The following PLCXD3 variants were observed in gnomAD, a reference collection of about 807,000 sequenced individuals.
The protein encoded by PLCXD3 is PI-PLC X domain-containing protein 3.
PLCXD3 carries 19 observed loss-of-function variants against 25.5 expected under a neutral mutation model. The ratio of observed to expected loss-of-function variants is 0.75; its 90% confidence interval spans 0.52 to 1.09. The LOEUF (loss-of-function observed/expected upper bound fraction) is 1.09. PLCXD3 is among the 50% of genes least tolerant of loss of function. PLCXD3 has a pLI of 0.00. For synonymous variants in PLCXD3, 174 were observed against 137.6 expected, an observed-to-expected ratio of 1.26 and a Z score of -1.85; for missense variants, 411 against 388.1, an observed-to-expected ratio of 1.06 and a Z score of -0.50.
chr5:41,375,984 C>A (rs1029114158), intron 2 of PLCXD3, among the ~76,000 whole-genome samples: 5 of 152,104 alleles, frequency 3.3e-5, no homozygotes, highest in African/African-American at 1.2e-4. Flanking sequence ...TGTAAGGATG[C>A]AAGGCCTTAA....
chr5:41,389,766 A>C (rs1745751831), intron 1 of PLCXD3, among the ~76,000 whole-genome samples: 1 of 152,206 alleles, frequency 6.6e-6, no homozygotes, highest in African/African-American at 2.4e-5. Flanking sequence ...ATTTCTAAAA[A>C]TATACACATC....
chr5:41,494,321 G>A (rs1469117821), intron 1 of PLCXD3, among the ~76,000 whole-genome samples: 2 of 152,158 alleles, frequency 1.3e-5, no homozygotes, highest in Non-Finnish European at 2.9e-5. Flanking sequence ...AAAAATGAGG[G>A]CAGGAAAACT....
intron 2 of PLCXD3, among the ~76,000 whole-genome samples, chr5:41,332,894 T>C (rs1743869477): frequency 6.6e-6 from 1 of 151,974 alleles, no homozygotes; most frequent in Non-Finnish European, 1.5e-5. Context: ...AACTGAACAG[T>C]GTGAACACAT....
intron 1 of PLCXD3, among the ~76,000 whole-genome samples, chr5:41,445,969 C>T (rs917452514): frequency 6.6e-6 from 1 of 151,754 alleles, no homozygotes; most frequent in Non-Finnish European, 1.5e-5. Context: ...GGACGAATCA[C>T]GAGGTCAGGG....
Position 41,309,193 on chromosome 5 carries a change from G to T in PLCXD3, c.*4424C>A, listed in dbSNP as rs1215587725. On this transcript the variant is annotated 3_prime_UTR_variant, in exon 3 of 3. Transcript: ENST00000377801. ...GTTTAAAACTATTACCTACAAAATA[G>T]TATCACAATTGAAATAACAATTACA... is the stretch of plus-strand genomic sequence containing the variant. 2.0e-5 allele frequency: 3 copies of T among 152,402 alleles called. No individual in the cohort carries two copies. The highest frequency in any genetic ancestry group is 2.9e-5 in the Non-Finnish European group (2 of 67,982). 9.4% of individuals were successfully genotyped at this position (152,402 alleles called of 1,614,324 possible).
chr5:41,500,737 A>G (rs1284337728), intron 1 of PLCXD3, among the ~76,000 whole-genome samples: 1 of 151,890 alleles, frequency 6.6e-6, no homozygotes, highest in Non-Finnish European at 1.5e-5. Flanking sequence ...ACTACATCTA[A>G]CTAAAAAGCC....
At chr5:41,446,537 CT>C (rs11306494) in intron 1 of PLCXD3, among the ~76,000 whole-genome samples, 59,346 of 145,482 alleles carry the variant, frequency 0.41, 13,130 homozygotes, top group Non-Finnish European at 0.5. Flanking sequence ...GTGCTAGTTT[CT>C]TTTTTTTTTT....
chr5:41,458,088 T>C (rs1404992836), intron 1 of PLCXD3, among the ~76,000 whole-genome samples: 6 of 151,846 alleles, frequency 4.0e-5, no homozygotes, highest in Admixed American at 2.6e-4. Flanking sequence ...GAGTTGTTAC[T>C]GGAACAGTGT....
intron 1 of PLCXD3, among the ~76,000 whole-genome samples, chr5:41,433,364 T>C (rs1411011192): frequency 1.3e-5 from 2 of 152,214 alleles, no homozygotes; most frequent in Admixed American, 6.5e-5. Context: ...TAAATGATAT[T>C]TATGACTTTC....
At chr5:41,397,130 A>T (rs892869667) in intron 1 of PLCXD3, among the ~76,000 whole-genome samples, 5 of 152,232 alleles carry the variant, frequency 3.3e-5, no homozygotes, top group Non-Finnish European at 7.3e-5. Flanking sequence ...AAATGCTAAT[A>T]GCCAAGGCAA....
In PLCXD3 at chr5:41,459,062, A is replaced by T. The variant is rs530393110; in HGVS notation, c.103+51362T>A. Among the ~76,000 whole-genome samples the T allele has an allele frequency of 2.0e-5, 3 of 152,034 alleles. No individual in the cohort carries two copies. In the South Asian group the frequency reaches 6.2e-4, roughly 32 times the overall value. The stretch of plus-strand genomic sequence containing the variant: ...TCTCTCTTGTCTGTTTTTCTAAGAA[A>T]AATATTTTCCTTCAATGCCAAGTAC... On this transcript the variant is annotated intron_variant, in intron 1 of 2. Coordinates refer to ENST00000377801, the MANE Select transcript of PLCXD3 (RefSeq NM_001005473.3).
intron 1 of PLCXD3, among the ~76,000 whole-genome samples, chr5:41,406,887 C>G (rs1397962360): frequency 1.3e-5 from 2 of 152,136 alleles, no homozygotes; most frequent in Non-Finnish European, 2.9e-5. Flanking sequence ...TGCTTTTTGT[C>G]TCATTTTCAT....
intron 1 of PLCXD3, among the ~76,000 whole-genome samples, chr5:41,480,535 T>A (rs1748382624): frequency 6.6e-6 from 1 of 152,152 alleles, no homozygotes; most frequent in Non-Finnish European, 1.5e-5. Context: ...CTTTTTTTTT[T>A]TAATCTCACT....
Position 41,345,691 on chromosome 5 carries a change from C to T in PLCXD3, c.813-31921G>A, listed in dbSNP as rs532991186. The stretch of plus-strand genomic sequence containing the variant: ...TTATACATACATATGTGTACACACA[C>T]ACACACACACACACACACACACACA... On this transcript the variant is annotated intron_variant, in intron 2 of 2. Transcript: ENST00000377801. Among the ~76,000 whole-genome samples, 1,112 of 145,300 alleles carry T rather than the reference C, an allele frequency of 7.7e-3. 10 individuals are homozygous for T. The highest frequency in any genetic ancestry group is 0.028 in the African/African-American group (1,024 of 36,390).
intron 2 of PLCXD3, among the ~76,000 whole-genome samples, chr5:41,378,205 T>C (rs956229182): frequency 6.6e-6 from 1 of 152,102 alleles, no homozygotes; most frequent in African/African-American, 2.4e-5. Context: ...CAATAAGCTT[T>C]TCCTATAGGC....
chr5:41,394,980 T>G (rs958290076), intron 1 of PLCXD3, among the ~76,000 whole-genome samples: 5 of 152,160 alleles, frequency 3.3e-5, no homozygotes, highest in African/African-American at 1.2e-4. Flanking sequence ...CAAATGGATC[T>G]AATATTTACA....
At position 41,312,569 on chromosome 5, in the gene PLCXD3, T is replaced by TCCTCCCTC. The variant is rs1270026215; in HGVS notation, c.*1040_*1047dup. On this transcript the variant is annotated 3_prime_UTR_variant, in exon 3 of 3. Coordinates refer to ENST00000377801, the MANE Select transcript of PLCXD3 (RefSeq NM_001005473.3). ...TCTCTTCCTCCCTCCCTCCCTCTCT[T>TCCTCCCTC]CCTCCCTCCCTCCCTCTCTTCCTTC... The TCCTCCCTC allele has an allele frequency of 6.7e-6, 1 of 148,186 alleles. No homozygotes were observed. The highest frequency in any genetic ancestry group is 2.5e-5 in the African/African-American group (1 of 40,602). 9.2% of individuals were successfully genotyped at this position (148,186 alleles called of 1,614,324 possible).
intron 2 of PLCXD3, among the ~76,000 whole-genome samples, chr5:41,341,060 C>T (rs966263746): frequency 6.6e-6 from 1 of 152,102 alleles, no homozygotes. Context: ...GAAAGTTGCT[C>T]TATTTCTAAT....
At chr5:41,398,014 T>G (rs553370161) in intron 1 of PLCXD3, among the ~76,000 whole-genome samples, 1 of 152,348 alleles carries the variant, frequency 6.6e-6, no homozygotes, top group Admixed American at 6.5e-5. Context: ...GGATTTACCT[T>G]GTCTCAGATG....
Sources: gnomAD v4.1 joint callset for allele counts (sites outside exome capture counted in the v4.1 genomes callset) on GRCh38, gnomAD v4.1.1 for gene constraint, MANE v1.5 for transcripts, NCBI Gene and HGNC (gene_info 2026-07-23, HGNC 2026-07-21) for gene names.